Variants in PIP4K2A observed in about 807,000 individuals in gnomAD.
PIP4K2A encodes phosphatidylinositol 5-phosphate 4-kinase type-2 alpha.
In PIP4K2A, 14 loss-of-function variants were observed where a neutral mutation model predicts 42.9. That is an observed-to-expected ratio of 0.33 (90% confidence interval 0.22 to 0.51). The LOEUF (loss-of-function observed/expected upper bound fraction) is 0.51, where lower values mean the gene tolerates loss of function less well. PIP4K2A is among the 20% of genes least tolerant of loss of function. PIP4K2A has a pLI of 0.97. For synonymous variants in PIP4K2A, 192 were observed against 192.2 expected, an observed-to-expected ratio of 1.00 and a Z score of 0.01; for missense variants, 434 against 519.8, an observed-to-expected ratio of 0.83 and a Z score of 1.61.
chr10:22,685,336 C>T (rs149121427), intron 1 of PIP4K2A, among the ~76,000 whole-genome samples: 12 of 152,050 alleles, frequency 7.9e-5, no homozygotes, highest in African/African-American at 2.4e-4. Flanking sequence ...AGAAGAGAGG[C>T]GAATCATTAA....
intron 4 of PIP4K2A, among the ~76,000 whole-genome samples, chr10:22,578,701 A>G (rs1474427928): frequency 6.6e-6 from 1 of 152,144 alleles, no homozygotes. Context: ...TTCTCAGTCC[A>G]CAACCCTTTC....
intron 1 of PIP4K2A, among the ~76,000 whole-genome samples, chr10:22,686,322 T>C (rs1839763960): frequency 6.6e-6 from 1 of 152,078 alleles, no homozygotes; most frequent in African/African-American, 2.4e-5. Context: ...CCACAAACCA[T>C]TTGAGAGAGG....
At chr10:22,559,879 G>C (rs142684759) in intron 6 of PIP4K2A, among the ~76,000 whole-genome samples, 206 of 152,286 alleles carry the variant, frequency 1.4e-3, no homozygotes, top group African/African-American at 4.7e-3. Context: ...GACAAAGTCA[G>C]ATGACCTATA....
intron 1 of PIP4K2A, among the ~76,000 whole-genome samples, chr10:22,641,281 C>T (rs2130792386): frequency 6.6e-6 from 1 of 152,256 alleles, no homozygotes; most frequent in East Asian, 1.9e-4. Flanking sequence ...CTACCCACAG[C>T]CTGCAGAACA....
intron 1 of PIP4K2A, among the ~76,000 whole-genome samples, chr10:22,692,507 G>A (rs1038470010): frequency 1.3e-5 from 2 of 152,086 alleles, no homozygotes; most frequent in African/African-American, 4.8e-5. Flanking sequence ...TGAGAACTAG[G>A]GCAGGGTGGG....
intron 1 of PIP4K2A, among the ~76,000 whole-genome samples, chr10:22,628,373 C>T (rs1001809644): frequency 2.6e-5 from 4 of 152,070 alleles, no homozygotes; most frequent in South Asian, 2.1e-4. Flanking sequence ...GAATCTTGAT[C>T]GTTAGAAAAA....
At chr10:22,562,674 C>T (rs1588627483) in intron 6 of PIP4K2A, among the ~76,000 whole-genome samples, 1 of 152,180 alleles carries the variant, frequency 6.6e-6, no homozygotes, top group Non-Finnish European at 1.5e-5. Flanking sequence ...TGATCTCTAC[C>T]GAGCCGTGAA....
At chr10:22,581,987 A>G (rs1459551942) in intron 4 of PIP4K2A, among the ~76,000 whole-genome samples, 2 of 151,718 alleles carry the variant, frequency 1.3e-5, no homozygotes, top group African/African-American at 4.8e-5. Context: ...GTGGTGGCGC[A>G]TGCCTGTATT....
intron 1 of PIP4K2A, among the ~76,000 whole-genome samples, chr10:22,668,870 A>C (rs1186579887): frequency 6.6e-6 from 1 of 152,240 alleles, no homozygotes; most frequent in Non-Finnish European, 1.5e-5. Context: ...TGTAAAGAAA[A>C]AATACCAAAT....
chr10:22,591,590 A>T (rs1422184897), intron 4 of PIP4K2A, 39 bp downstream of exon 4: 1 of 1,525,776 alleles, frequency 6.6e-7, no homozygotes, highest in African/African-American at 1.4e-5. Context: ...ACGCATGTTA[A>T]TCTTCTTGGA....
intron 9 of PIP4K2A, among the ~76,000 whole-genome samples, chr10:22,538,640 C>T (rs953769332): frequency 2.0e-5 from 3 of 152,146 alleles, no homozygotes; most frequent in Non-Finnish European, 4.4e-5. Flanking sequence ...TCAGAATGAC[C>T]ATGGAGTCTT....
intron 1 of PIP4K2A, among the ~76,000 whole-genome samples, chr10:22,638,575 C>A (rs1412384708): frequency 6.6e-6 from 1 of 152,098 alleles, no homozygotes; most frequent in Non-Finnish European, 1.5e-5. Context: ...TTTCCCTTTA[C>A]TTTTTCTGGA....
chr10:22,681,268 C>T (rs78538602), intron 1 of PIP4K2A, among the ~76,000 whole-genome samples: 26,957 of 152,146 alleles, frequency 0.18, 2,704 homozygotes, highest in African/African-American at 0.26. Flanking sequence ...TGATGTCAAC[C>T]TGACTTCTAG....
At chr10:22,563,433 T>G (rs560467929) in intron 6 of PIP4K2A, among the ~76,000 whole-genome samples, 29 of 152,232 alleles carry the variant, frequency 1.9e-4, no homozygotes, top group Non-Finnish European at 3.8e-4. Flanking sequence ...ATACAAATTG[T>G]TTTGCTAACA....
At chr10:22,671,572 CGA>C (rs1270421740) in intron 1 of PIP4K2A, among the ~76,000 whole-genome samples, 4 of 151,908 alleles carry the variant, frequency 2.6e-5, no homozygotes, top group Admixed American at 2.0e-4. Flanking sequence ...CGAGGCTGTG[CGA>C]GTCATTAGGG....
chr10:22,689,632 G>A (rs145638148), intron 1 of PIP4K2A, among the ~76,000 whole-genome samples: 2 of 152,244 alleles, frequency 1.3e-5, no homozygotes, highest in East Asian at 3.9e-4. Context: ...ATTTTGGTAT[G>A]GGGAGTGGTC....
intron 3 of PIP4K2A, among the ~76,000 whole-genome samples, chr10:22,592,916 G>A (rs1366758947): frequency 6.6e-6 from 1 of 152,238 alleles, no homozygotes; most frequent in African/African-American, 2.4e-5. Flanking sequence ...GGCATTCAAA[G>A]GCCTCAGTGG....
chr10:22,536,266 T>C lies in PIP4K2A; in HGVS notation c.*935A>G, dbSNP rs1048059290. On this transcript the variant is annotated 3_prime_UTR_variant, in exon 10 of 10. Coordinates refer to ENST00000376573, the MANE Select transcript of PIP4K2A (RefSeq NM_005028.5). ...GTTTTCCCACAGTGGGAGATGTAGATACCATTGCCCCAAACTATGCACTTT... is the reference window on the plus strand; with the variant it reads ...GTTTTCCCACAGTGGGAGATGTAGACACCATTGCCCCAAACTATGCACTTT... 2.5e-5 allele frequency: 10 copies of C among 396,666 alleles called. No homozygotes were observed. Among genetic ancestry groups the C allele is most frequent in the Middle Eastern group, 6.3e-4 (1 of 1,578 alleles). The allele number at this position is 396,666 out of a possible 1,614,324, so 24.6% of individuals were successfully genotyped here. A position where few individuals can be genotyped will look rare whatever the true frequency, so the allele number is the denominator to read the frequency against.
chr10:22,540,133 C>T, intron 8 of PIP4K2A, 59 bp from the exon 9 acceptor site: 1 of 606,802 alleles, frequency 1.6e-6, no homozygotes. Flanking sequence ...GCCAGCATTG[C>T]TGCTGAGGGA....
Sources: gnomAD v4.1 joint callset for allele counts (sites outside exome capture counted in the v4.1 genomes callset) on GRCh38, gnomAD v4.1.1 for gene constraint, MANE v1.5 for transcripts, NCBI Gene and HGNC (gene_info 2026-07-23, HGNC 2026-07-21) for gene names.